Variants in SLC24A2 observed in about 807,000 individuals in gnomAD.
SLC24A2 encodes the protein solute carrier family 24 member 2, also known as sodium/potassium/calcium exchanger 2.
Under a neutral mutation model 62.0 loss-of-function variants are expected in SLC24A2, and 36 were observed. That is an observed-to-expected ratio of 0.58 (90% CI 0.44 to 0.77). SLC24A2 has a LOEUF of 0.77. Ranked by LOEUF, SLC24A2 falls within the 30% of genes least tolerant of loss-of-function variation. The pLI, the probability that SLC24A2 is intolerant of heterozygous loss-of-function variation, is 0.00. For missense variants in SLC24A2, 846 were observed against 817.9 expected, an observed-to-expected ratio of 1.03 and a Z score of -0.42; for synonymous variants, 358 against 294.0, an observed-to-expected ratio of 1.22 and a Z score of -2.23.
intron 2 of SLC24A2, among the ~76,000 whole-genome samples, chr9:19,719,515 G>C (rs1820962123): frequency 1.3e-5 from 2 of 150,104 alleles, no homozygotes; most frequent in African/African-American, 5.1e-5. Context: ...GAAATGAGAG[G>C]AACTGGACTG....
intron 2 of SLC24A2, among the ~76,000 whole-genome samples, chr9:19,785,340 A>T (rs1157270995): frequency 6.6e-6 from 1 of 151,836 alleles, no homozygotes; most frequent in Admixed American, 6.6e-5. Flanking sequence ...AGGGCTGGCC[A>T]ATGATTCTCT....
the SLC24A2 span, among the ~76,000 whole-genome samples, chr9:20,304,283 C>G: frequency 6.6e-6 from 1 of 152,060 alleles, no homozygotes; most frequent in African/African-American, 2.4e-5. Flanking sequence ...AAACTCTCAT[C>G]CCACAGCCCC....
At position 19,515,970 on chromosome 9, in the gene SLC24A2, G is replaced by A. The variant is rs1832905217; in HGVS notation, c.*183C>T. The A allele has an allele frequency of 1.3e-6, 1 of 751,406 alleles. No individual in the cohort carries two copies. The highest frequency in any genetic ancestry group is 2.3e-6 in the Non-Finnish European group (1 of 431,786). 46.5% of individuals were successfully genotyped at this position (751,406 alleles called of 1,614,324 possible). ...ACATGAAGTCATTTCAGTAGGCAGG[G>A]TGGAAGCAGCCTGTGAAGTGAATGG... On this transcript the variant is annotated 3_prime_UTR_variant, in exon 11 of 11. Coordinates refer to ENST00000341998, the MANE Select transcript of SLC24A2 (RefSeq NM_020344.4).
At chr9:19,685,114 C>T (rs1587149420) in intron 2 of SLC24A2, among the ~76,000 whole-genome samples, 1 of 152,010 alleles carries the variant, frequency 6.6e-6, no homozygotes, top group Admixed American at 6.6e-5. Flanking sequence ...TAAACACCAA[C>T]AATGTCTAAG....
chr9:19,663,126 G>C (rs1385666379), intron 2 of SLC24A2, among the ~76,000 whole-genome samples: 1 of 152,182 alleles, frequency 6.6e-6, no homozygotes. Context: ...ATAGGAAAGG[G>C]AAAGACAGAA....
chr9:20,146,937 A>G, the SLC24A2 span, among the ~76,000 whole-genome samples: 2 of 152,212 alleles, frequency 1.3e-5, no homozygotes, highest in Non-Finnish European at 2.9e-5. Flanking sequence ...CAACATCAGT[A>G]CTGCCCTCAG....
At chr9:19,590,444 GC>G (rs1836516727) in intron 5 of SLC24A2, among the ~76,000 whole-genome samples, 1 of 152,116 alleles carries the variant, frequency 6.6e-6, no homozygotes, top group African/African-American at 2.4e-5. Context: ...AAAAGTGGCA[GC>G]TGCCTGCTCC....
At chr9:19,756,190 T>C (rs1004998171) in intron 2 of SLC24A2, among the ~76,000 whole-genome samples, 1 of 152,186 alleles carries the variant, frequency 6.6e-6, no homozygotes, top group African/African-American at 2.4e-5. Flanking sequence ...GAAATGACCA[T>C]TCCTAAATCA....
chr9:19,953,751 T>C, the SLC24A2 span, among the ~76,000 whole-genome samples: 4 of 152,124 alleles, frequency 2.6e-5, no homozygotes, highest in African/African-American at 4.8e-5. Flanking sequence ...TGTTAGGCAC[T>C]GAACAACTTT....
chr9:19,710,950 G>A (rs1820697818), intron 2 of SLC24A2, among the ~76,000 whole-genome samples: 1 of 152,228 alleles, frequency 6.6e-6, no homozygotes, highest in Non-Finnish European at 1.5e-5. Flanking sequence ...AACAGACTCA[G>A]AGAATGTACT....
At chr9:19,608,356 C>G (rs1837049646) in intron 4 of SLC24A2, among the ~76,000 whole-genome samples, 1 of 151,310 alleles carries the variant, frequency 6.6e-6, no homozygotes, top group African/African-American at 2.4e-5. Flanking sequence ...GAAATAAGCT[C>G]TGGTATTTGG....
At chr9:20,218,657 T>TCTGTCATTTC in the SLC24A2 span, among the ~76,000 whole-genome samples, 1 of 152,188 alleles carries the variant, frequency 6.6e-6, no homozygotes, top group Non-Finnish European at 1.5e-5. Context: ...TTGAATATGG[T>TCTGTCATTTC]AGTCATTTAT....
chr9:20,169,554 C>T, the SLC24A2 span, among the ~76,000 whole-genome samples: 4 of 152,116 alleles, frequency 2.6e-5, no homozygotes, highest in Non-Finnish European at 2.9e-5. Flanking sequence ...GGTAGACCTG[C>T]TGGGTGATTG....
intron 7 of SLC24A2, among the ~76,000 whole-genome samples, chr9:19,561,957 T>G (rs1178101301): frequency 6.6e-6 from 1 of 152,176 alleles, no homozygotes; most frequent in Non-Finnish European, 1.5e-5. Flanking sequence ...TCAAAATATT[T>G]TGTTGTGAGT....
the SLC24A2 span, among the ~76,000 whole-genome samples, chr9:20,144,987 A>G: frequency 6.6e-6 from 1 of 152,168 alleles, no homozygotes; most frequent in Non-Finnish European, 1.5e-5. Context: ...GATGATCATC[A>G]GATATGTTAT....
intron 2 of SLC24A2, among the ~76,000 whole-genome samples, chr9:19,676,217 T>A (rs1819556317): frequency 6.6e-6 from 1 of 152,164 alleles, no homozygotes; most frequent in South Asian, 2.1e-4. Context: ...GCACTCACAG[T>A]TTTTTGGCTG....
At chr9:19,523,848 G>A (rs1036295394) in intron 9 of SLC24A2, among the ~76,000 whole-genome samples, 2 of 152,178 alleles carry the variant, frequency 1.3e-5, no homozygotes, top group African/African-American at 2.4e-5. Flanking sequence ...AGGAACAGAA[G>A]TGGGCTTACT....
chr9:20,266,539 TA>T, the SLC24A2 span, among the ~76,000 whole-genome samples: 1 of 151,280 alleles, frequency 6.6e-6, no homozygotes. Flanking sequence ...AAGACCTCAG[TA>T]ATTTTTTTTT....
chr9:19,581,027 T>C (rs371897706), intron 5 of SLC24A2, among the ~76,000 whole-genome samples: 1 of 152,226 alleles, frequency 6.6e-6, no homozygotes, highest in East Asian at 1.9e-4. Flanking sequence ...CTCTGTAAGT[T>C]AGAGGAAAAA....
Sources: allele counts gnomAD v4.1 joint callset (sites outside exome capture counted in the v4.1 genomes callset), GRCh38; gene constraint gnomAD v4.1.1; transcripts MANE v1.5; gene names NCBI Gene and HGNC (gene_info 2026-07-23, HGNC 2026-07-21).